Variants in ST7 observed in about 807,000 individuals in gnomAD.
ST7 encodes the protein suppressor of tumorigenicity 7 protein.
In ST7, 28 loss-of-function variants were observed where a neutral mutation model predicts 78.7. That is an observed-to-expected ratio of 0.36 (90% confidence interval 0.26 to 0.49). The LOEUF is 0.49. Ranked by LOEUF, ST7 falls within the 20% of genes least tolerant of loss-of-function variation. The pLI is 0.99. For synonymous variants in ST7, 247 were observed against 249.6 expected (o/e 0.99, Z 0.10); for missense variants, 418 against 696.0 (o/e 0.60, Z 4.49).
At chr7:117,106,201 T>C (rs1801950623) in intron 2 of ST7, among the ~76,000 whole-genome samples, 1 of 151,996 alleles carries the variant, frequency 6.6e-6, no homozygotes, top group Non-Finnish European at 1.5e-5. Context: ...GGTTTCACCT[T>C]GTTAGCCAGG....
chr7:117,126,100 C>T (rs569147963), intron 3 of ST7, among the ~76,000 whole-genome samples: 39 of 152,062 alleles, frequency 2.6e-4, no homozygotes, highest in African/African-American at 8.2e-4. Flanking sequence ...CTCATAGCAA[C>T]AACAAAAGTT....
chr7:117,027,693 G>A (rs978848794), intron 1 of ST7, among the ~76,000 whole-genome samples: 5 of 151,912 alleles, frequency 3.3e-5, no homozygotes, highest in Admixed American at 1.3e-4. Flanking sequence ...GACAAGCCTC[G>A]GTAACAAAGC....
chr7:117,162,907 ATC>A (rs1807267692), intron 9 of ST7, among the ~76,000 whole-genome samples: 1 of 151,910 alleles, frequency 6.6e-6, no homozygotes, highest in African/African-American at 2.4e-5. Context: ...CTTTTAACAA[ATC>A]TCTCTCTATC....
At chr7:117,020,743 G>GA in intron 1 of ST7, 1 of 1,458,848 alleles carries the variant, frequency 6.9e-7, no homozygotes. Context: ...TTTGTATTTT[G>GA]GCTCTAATTA....
chr7:117,008,128 G>T (rs1795230593), intron 1 of ST7, among the ~76,000 whole-genome samples: 2 of 152,118 alleles, frequency 1.3e-5, no homozygotes, highest in South Asian at 4.1e-4. Context: ...TCATCCATGT[G>T]AACTTTAATA....
intron 12 of ST7, among the ~76,000 whole-genome samples, chr7:117,201,134 C>A (rs1027098813): frequency 1.3e-5 from 2 of 152,014 alleles, no homozygotes; most frequent in Admixed American, 1.3e-4. Context: ...ATTCAAAATA[C>A]CCTGGCAGAC....
At chr7:117,151,865 ATC>A (rs1296209400) in intron 9 of ST7, among the ~76,000 whole-genome samples, 1 of 152,046 alleles carries the variant, frequency 6.6e-6, no homozygotes, top group African/African-American at 2.4e-5. Flanking sequence ...CACGCCTATA[ATC>A]TCAGCACTTA....
intron 1 of ST7, chr7:116,972,031 G>C (rs1249409930): frequency 2.2e-6 from 1 of 458,770 alleles, no homozygotes; most frequent in African/African-American, 2.0e-5. Flanking sequence ...CACAGGGGAG[G>C]AGCGGGAGGC....
intron 2 of ST7, among the ~76,000 whole-genome samples, chr7:117,113,873 A>G (rs1802634219): frequency 6.6e-6 from 1 of 151,934 alleles, no homozygotes; most frequent in Admixed American, 6.5e-5. Flanking sequence ...GGCTTTTCCC[A>G]ATTCTCAGTG....
At chr7:117,017,903 G>A (rs1322005910) in intron 1 of ST7, among the ~76,000 whole-genome samples, 3 of 152,066 alleles carry the variant, frequency 2.0e-5, no homozygotes, top group Non-Finnish European at 4.4e-5. Flanking sequence ...ATTTGTGTCC[G>A]GTTTTCCTGG....
chr7:117,144,069 C>T (rs1563117761), intron 9 of ST7: 1 of 152,092 alleles, frequency 6.6e-6, no homozygotes, highest in Non-Finnish European at 1.5e-5. Context: ...GTTACAAATA[C>T]ATTATATGTT....
intron 3 of ST7, among the ~76,000 whole-genome samples, chr7:117,127,045 TTTAACTATATTATTA>T (rs770348368): frequency 2.6e-5 from 4 of 151,856 alleles, no homozygotes; most frequent in Non-Finnish European, 5.9e-5. Flanking sequence ...AGGGTATATT[TTTAACTATATTATTA>T]TTGATATTAG....
intron 10 of ST7, among the ~76,000 whole-genome samples, chr7:117,183,925 A>G (rs1809001158): frequency 6.6e-6 from 1 of 152,276 alleles, no homozygotes; most frequent in Non-Finnish European, 1.5e-5. Context: ...ATGAAAAAGA[A>G]TGAATGACTG....
intron 1 of ST7, among the ~76,000 whole-genome samples, chr7:116,979,335 C>T (rs1247782509): frequency 6.6e-6 from 1 of 152,224 alleles, no homozygotes; most frequent in East Asian, 1.9e-4. Flanking sequence ...TAACAAGAGG[C>T]ATTTCTCAAG....
intron 12 of ST7, among the ~76,000 whole-genome samples, chr7:117,197,069 C>G (rs1810386855): frequency 6.6e-6 from 1 of 152,162 alleles, no homozygotes; most frequent in African/African-American, 2.4e-5. Context: ...GGGTTGTACT[C>G]TGTCACCCAG....
At chr7:117,166,478 A>G (rs1233144124) in intron 9 of ST7, among the ~76,000 whole-genome samples, 1 of 151,416 alleles carries the variant, frequency 6.6e-6, no homozygotes, top group Non-Finnish European at 1.5e-5. Context: ...ATTACAAATA[A>G]TGTTGTGATA....
At chr7:117,127,269 A>G (rs558561688) in intron 3 of ST7, among the ~76,000 whole-genome samples, 8 of 151,912 alleles carry the variant, frequency 5.3e-5, no homozygotes, top group Admixed American at 4.6e-4. Flanking sequence ...TTAAATCTTC[A>G]TATTCTAATA....
chr7:117,053,448 A>G (rs1797896241), intron 1 of ST7, among the ~76,000 whole-genome samples: 1 of 152,208 alleles, frequency 6.6e-6, no homozygotes, highest in Non-Finnish European at 1.5e-5. Context: ...GAAGCTTTTC[A>G]GCATTTCCAT....
intron 2 of ST7, among the ~76,000 whole-genome samples, chr7:117,118,608 G>T (rs537874202): frequency 2.0e-5 from 3 of 152,292 alleles, no homozygotes; most frequent in Non-Finnish European, 4.4e-5. Context: ...GCTATCCTAT[G>T]AGACTCTGGG....
Sources: gnomAD v4.1 joint callset for allele counts (sites outside exome capture counted in the v4.1 genomes callset) on GRCh38, gnomAD v4.1.1 for gene constraint, MANE v1.5 for transcripts, NCBI Gene and HGNC (gene_info 2026-07-23, HGNC 2026-07-21) for gene names.